The following SASS6 variants were observed in gnomAD, a reference collection of about 807,000 sequenced individuals.
The protein encoded by SASS6 is SAS-6 centriolar assembly protein.
SASS6 carries 59 observed loss-of-function variants against 94.9 expected under a neutral mutation model. The ratio of observed to expected loss-of-function variants is 0.62; its 90% CI spans 0.50 to 0.77. The LOEUF (loss-of-function observed/expected upper bound fraction) is 0.77, where lower values mean the gene tolerates loss of function less well. Among genes scored for constraint, SASS6 ranks in the 30% least tolerant of loss-of-function variants. The pLI, the probability that SASS6 is intolerant of heterozygous loss-of-function variation, is 0.00. For missense variants in SASS6, 698 were observed against 734.1 expected, an observed-to-expected ratio of 0.95 and a Z score of 0.57; for synonymous variants, 264 against 270.0, an observed-to-expected ratio of 0.98 and a Z score of 0.22.
intron 7 of SASS6, among the ~76,000 whole-genome samples, chr1:100,112,491 TA>T (rs1264046132): frequency 3.3e-5 from 5 of 151,934 alleles, no homozygotes; most frequent in African/African-American, 1.2e-4. Context: ...AATGGAGGTA[TA>T]AAGAAAACAT....
Position 100,107,639 on chromosome 1 carries a change from C to G in SASS6, c.1135G>C (p.Glu379Gln), listed in dbSNP as rs1424348590. Residue 379 changes from glutamate (E) to glutamine (Q), a missense_variant, in exon 10 of 17, where the codon GAA becomes CAA. Physicochemically the swap from Glu to Gln is conservative, Grantham distance 29. Transcript: ENST00000287482. ...TTTTTAAAACAAACCTTCAGAAGTT[C>G]TGCAGATAATGATTTTATTGTAGCT... is the stretch of plus-strand genomic sequence containing the variant. The part of the protein sequence containing the change: ...LEATIKSLSA[E>Q]LLKANEIIKK... 1 of 1,598,258 alleles carries G rather than the reference C, an allele frequency of 6.3e-7. No homozygotes were observed. Among genetic ancestry groups the G allele is most frequent in the Non-Finnish European group, 8.5e-7 (1 of 1,171,998 alleles).
chr1:100,095,038 G>A (rs554520270), intron 14 of SASS6, among the ~76,000 whole-genome samples: 7 of 152,198 alleles, frequency 4.6e-5, no homozygotes, highest in Admixed American at 2.6e-4. Context: ...CATATCAATT[G>A]AAAAAGCATT....
intron 6 of SASS6, among the ~76,000 whole-genome samples, chr1:100,119,613 T>A (rs1202807877): frequency 1.3e-5 from 2 of 152,154 alleles, no homozygotes; most frequent in Non-Finnish European, 2.9e-5. Context: ...GCAGGGCCTG[T>A]GGTAGGTGAT....
rs115125420 is a variant in SASS6 at position 100,115,665 on chromosome 1, A to G, written c.669+3353T>C. ...CAACATAGTGAAACCCCATCTCCAC[A>G]AAAAAATTTTAAAATCAGCCGGTGT... On this transcript the variant is annotated intron_variant, in intron 7 of 16. Coordinates refer to ENST00000287482, the MANE Select transcript of SASS6 (RefSeq NM_194292.3). Among the ~76,000 whole-genome samples the G allele has an allele frequency of 4.9e-3, 746 of 152,202 alleles. 3 individuals carry two copies. Among genetic ancestry groups the G allele is most frequent in the African/African-American group, 0.017 (721 of 41,530 alleles).
intron 14 of SASS6, among the ~76,000 whole-genome samples, chr1:100,102,433 T>C (rs954332163): frequency 6.6e-5 from 10 of 152,168 alleles, no homozygotes; most frequent in African/African-American, 2.4e-4. Context: ...TCCCAGCACC[T>C]TGGGAGGCCA....
intron 14 of SASS6, among the ~76,000 whole-genome samples, chr1:100,098,298 G>A (rs1277395773): frequency 6.6e-6 from 1 of 151,928 alleles, no homozygotes; most frequent in Non-Finnish European, 1.5e-5. Context: ...AGGCACAATG[G>A]TGCATGCCTG....
rs754956519 is a variant in SASS6 at position 100,105,816 on chromosome 1, T to A, written c.1496A>T (p.His499Leu). ...VLGPSTTPPAHSSSNTIRSGI... is the reference protein window; with the variant it reads ...VLGPSTTPPALSSSNTIRSGI... Reference sequence around the variant, plus strand: ...ACTTCTGATTGTGTTGCTGCTGGAATGTGCAGGCGGAGTAGTAGAAGGTCC... The same window carrying A: ...ACTTCTGATTGTGTTGCTGCTGGAAAGTGCAGGCGGAGTAGTAGAAGGTCC... The change falls in exon 13 of 17, where the codon CAT becomes CTT. Residue 499 changes from histidine to leucine, a missense_variant. Physicochemically the swap from His to Leu is moderately conservative, Grantham distance 99. Transcript: ENST00000287482. 6.2e-7 allele frequency: 1 copy of A among 1,613,410 alleles called. No individual in the cohort carries two copies. The highest frequency in any genetic ancestry group is 8.5e-7 in the Non-Finnish European group (1 of 1,179,634).
At position 100,109,963 on chromosome 1, in the gene SASS6, A is replaced by T. The variant is rs113037816; in HGVS notation, c.861+329T>A. Among the ~76,000 whole-genome samples, 337 of 152,066 alleles carry T rather than the reference A, an allele frequency of 2.2e-3. 4 individuals carry two copies. The highest frequency in any genetic ancestry group is 7.9e-3 in the African/African-American group (328 of 41,528). On this transcript the variant is annotated intron_variant, in intron 8 of 16. Transcript: ENST00000287482. ...TGTTTGATATATGTTAAGCAGGTTG[A>T]GGAAAAAAAACCCCAGCCCTGTCAA...
At chr1:100,109,056 T>C (rs565158368) in intron 8 of SASS6, among the ~76,000 whole-genome samples, 2 of 152,086 alleles carry the variant, frequency 1.3e-5, no homozygotes, top group African/African-American at 2.4e-5. Context: ...CATTAGATCA[T>C]ATAAAAATCA....
In SASS6 at chr1:100,107,801, A is replaced by G. The variant is rs1287969816; in HGVS notation, c.1056+9T>C. ...ATTATCAATTTCTGAGAAAAATTTA[A>G]AAGTAGACCTTTTGTTCCTGGATTG... On this transcript the variant is annotated intron_variant, in intron 9 of 16. Coordinates refer to ENST00000287482, the MANE Select transcript of SASS6 (RefSeq NM_194292.3). 1.3e-6 allele frequency: 2 copies of G among 1,590,700 alleles called. No homozygotes were observed. Among genetic ancestry groups the G allele is most frequent in the South Asian group, 1.1e-5 (1 of 88,404 alleles).
chr1:100,109,483 TGTGG>T (rs1653143141), intron 8 of SASS6, among the ~76,000 whole-genome samples: 2 of 152,200 alleles, frequency 1.3e-5, no homozygotes, highest in East Asian at 3.9e-4. Context: ...TAAAAATTTC[TGTGG>T]GGCTTAATAC....
intron 1 of SASS6, 65 bp downstream of exon 1, chr1:100,132,685 G>T: frequency 1.5e-6 from 2 of 1,325,118 alleles, no homozygotes; most frequent in Non-Finnish European, 1.1e-6. Flanking sequence ...GGCCAGAACC[G>T]CCATCTTTCC....
chr1:100,102,469 G>A (rs951418911), intron 14 of SASS6, among the ~76,000 whole-genome samples: 4 of 152,130 alleles, frequency 2.6e-5, no homozygotes, highest in Non-Finnish European at 5.9e-5. Flanking sequence ...TTGAGGCCAG[G>A]AGTTCGAGAC....
rs1191631745 is a variant in SASS6 at position 100,103,021 on chromosome 1, T to C, written c.1608A>G (p.Ala536=). Residue 536 remains alanine (A), a synonymous_variant, in exon 14 of 17, where the codon GCA becomes GCG. Coordinates refer to ENST00000287482, the MANE Select transcript of SASS6 (RefSeq NM_194292.3). ...TCGAATGAGGGAAGGTATTCTGGAA[T>C]GCAAATGCAGAGGAGACAGGATAAC... ...GIGYPVSSAF[A]FQNTFPHSIS... 3 of 1,609,528 alleles carry C rather than the reference T, an allele frequency of 1.9e-6. No individual in the cohort carries two copies. The highest frequency in any genetic ancestry group is 4.5e-5 in the East Asian group (2 of 44,832).
chr1:100,128,993 C>T (rs1301067182), intron 1 of SASS6, among the ~76,000 whole-genome samples: 8 of 152,124 alleles, frequency 5.3e-5, no homozygotes, highest in Non-Finnish European at 8.8e-5. Flanking sequence ...AATCCCAGCA[C>T]TTTGGGAGGC....
In SASS6 at chr1:100,107,516, T is replaced by G; in HGVS notation, c.1184A>C (p.Lys395Thr). 1 of 1,607,374 alleles carries G rather than the reference T, an allele frequency of 6.2e-7. No homozygotes were observed. The highest frequency in any genetic ancestry group is 8.5e-7 in the Non-Finnish European group (1 of 1,175,350). ...EIIKKLQGDLKTLMGKLKLKN... is the reference protein window; with the variant it reads ...EIIKKLQGDLTTLMGKLKLKN... ...CAATTTCAACTTACCCATTAAAGTT[T>G]TCAGATCCCCTTGTAACTTCTTGAT... is the stretch of plus-strand genomic sequence containing the variant. The change falls in exon 11 of 17, where the codon AAA (lysine) becomes ACA (threonine). Residue 395 changes from lysine to threonine, a missense_variant. Lys to Thr is a moderately conservative substitution (Grantham distance 78). Coordinates refer to ENST00000287482, the MANE Select transcript of SASS6 (RefSeq NM_194292.3).
chr1:100,127,998 T>C (rs1413121101), intron 1 of SASS6, among the ~76,000 whole-genome samples: 2 of 152,150 alleles, frequency 1.3e-5, no homozygotes, highest in Non-Finnish European at 2.9e-5. Flanking sequence ...TATTTAACTT[T>C]TTATGGTGCT....
chr1:100,098,628 T>C (rs1326491992), intron 14 of SASS6, among the ~76,000 whole-genome samples: 3 of 151,294 alleles, frequency 2.0e-5, no homozygotes, highest in Admixed American at 2.0e-4. Flanking sequence ...CCGAGATGTA[T>C]GCACAAAAAT....
intron 7 of SASS6, among the ~76,000 whole-genome samples, chr1:100,112,350 T>G (rs12137325): frequency 0.044 from 6,732 of 152,020 alleles, 177 homozygotes; most frequent in African/African-American, 0.061. Context: ...AAGTCAGAAT[T>G]AAGAAAATAA....
Sources: allele counts gnomAD v4.1 joint callset (sites outside exome capture counted in the v4.1 genomes callset), GRCh38; gene constraint gnomAD v4.1.1; transcripts MANE v1.5; gene names NCBI Gene and HGNC (gene_info 2026-07-23, HGNC 2026-07-21).